UBE2D1: variants seen among roughly 807,000 people sequenced by gnomAD.
The protein encoded by UBE2D1 is ubiquitin-conjugating enzyme E2 D1.
Under a neutral mutation model 24.6 loss-of-function variants are expected in UBE2D1, and 9 were observed. The ratio of observed to expected loss-of-function variants is 0.37; its 90% confidence interval spans 0.22 to 0.64. The LOEUF is 0.64. UBE2D1 is among the 30% of genes least tolerant of loss of function. The pLI is 0.64. For synonymous variants in UBE2D1, 57 were observed against 57.6 expected, an observed-to-expected ratio of 0.99 and a Z score of 0.04; for missense variants, 87 against 177.1, an observed-to-expected ratio of 0.49 and a Z score of 2.89.
In UBE2D1 at chr10:58,335,201, C is replaced by A; in HGVS notation, c.-1C>A. The A allele has an allele frequency of 6.5e-7, 1 of 1,548,834 alleles. No homozygotes were observed. The highest frequency in any genetic ancestry group is 1.2e-5 in the South Asian group (1 of 84,420). On this transcript the variant is annotated 5_prime_UTR_variant, in exon 1 of 7. Transcript: ENST00000373910. ...GGTGTCCCCACCGCCATCCCTGACC[C>A]ATGGCGCTGAAGAGGATTCAGAAAG... is the stretch of plus-strand genomic sequence containing the variant.
In UBE2D1 at chr10:58,335,109, T is replaced by C; in HGVS notation, c.-93T>C. ...GGGGACCCACCGCGCGGAGCCAGCC[T>C]AGCTGCCAGCGAGCCCAACCCGCGA... On this transcript the variant is annotated 5_prime_UTR_variant, in exon 1 of 7. Transcript: ENST00000373910. 7.1e-7 allele frequency: 1 copy of C among 1,401,210 alleles called. No individual in the cohort carries two copies. Among genetic ancestry groups the C allele is most frequent in the Non-Finnish European group, 9.7e-7 (1 of 1,030,270 alleles). 86.8% of individuals were successfully genotyped at this position (1,401,210 alleles called of 1,614,324 possible). A position where few individuals can be genotyped will look rare whatever the true frequency, so the allele number is the denominator to read the frequency against.
At chr10:58,350,664 A>T (rs1840064731) in intron 1 of UBE2D1, among the ~76,000 whole-genome samples, 1 of 152,082 alleles carries the variant, frequency 6.6e-6, no homozygotes, top group South Asian at 2.1e-4. Context: ...TGTCCTGTTA[A>T]ATCTCTGCCT....
chr10:58,358,681 C>T (rs986437781), intron 1 of UBE2D1, among the ~76,000 whole-genome samples: 4 of 152,078 alleles, frequency 2.6e-5, no homozygotes, highest in Non-Finnish European at 5.9e-5. Flanking sequence ...TGGTGGCACC[C>T]AGACTTGAAC....
chr10:58,369,541 C>A lies in UBE2D1; in HGVS notation c.*776C>A, dbSNP rs61873956. 4.6e-5 allele frequency: 7 copies of A among 152,348 alleles called. No individual in the cohort carries two copies. Among genetic ancestry groups the A allele is most frequent in the African/African-American group, 1.7e-4 (7 of 41,374 alleles). The allele number at this position is 152,348 out of a possible 1,614,324, so 9.4% of individuals were successfully genotyped here. A position where few individuals can be genotyped will look rare whatever the true frequency, so the allele number is the denominator to read the frequency against. The stretch of plus-strand genomic sequence containing the variant: ...CTGTATAGGCAATATTATATTGACA[C>A]CTTTTACAGATCTTACTGTAGCTTT... On this transcript the variant is annotated 3_prime_UTR_variant, in exon 7 of 7. Transcript: ENST00000373910.
chr10:58,361,015 CTGA>C, intron 1 of UBE2D1: 2 of 467,258 alleles, frequency 4.3e-6, no homozygotes, highest in South Asian at 3.6e-5. Flanking sequence ...TACCTGTTTT[CTGA>C]TATATTATCA....
Position 58,345,222 on chromosome 10 carries a change from G to A in UBE2D1, c.24+9997G>A, listed in dbSNP as rs183144911. Among the ~76,000 whole-genome samples, 151 of 152,128 alleles carry A rather than the reference G, an allele frequency of 9.9e-4. 1 individual carries two copies. The highest frequency in any genetic ancestry group is 3.5e-3 in the African/African-American group (146 of 41,542). ...CACGTGGCTCATGCCTGTAATCCCAGAACTTTGGGAGACCGAGGCAGAAGA... is the reference window on the plus strand; with the variant it reads ...CACGTGGCTCATGCCTGTAATCCCAAAACTTTGGGAGACCGAGGCAGAAGA... On this transcript the variant is annotated intron_variant, in intron 1 of 6. Coordinates refer to ENST00000373910, the MANE Select transcript of UBE2D1 (RefSeq NM_003338.5).
At position 58,369,316 on chromosome 10, in the gene UBE2D1, G is replaced by A. The variant is rs1840290033; in HGVS notation, c.*551G>A. ...AATTAACTGTGTCTCCCTTGTCTTAGGATATTCTGTAGATTGATTGCAGAT... is the reference window on the plus strand; with the variant it reads ...AATTAACTGTGTCTCCCTTGTCTTAAGATATTCTGTAGATTGATTGCAGAT... On this transcript the variant is annotated 3_prime_UTR_variant, in exon 7 of 7. Coordinates refer to ENST00000373910, the MANE Select transcript of UBE2D1 (RefSeq NM_003338.5). 1 of 152,480 alleles carries A rather than the reference G, an allele frequency of 6.6e-6. No homozygotes were observed. The highest frequency in any genetic ancestry group is 2.4e-5 in the African/African-American group (1 of 41,406). 9.4% of individuals were successfully genotyped at this position (152,480 alleles called of 1,614,324 possible).
chr10:58,368,125 G>T, intron 6 of UBE2D1, 109 bp downstream of exon 6: 5 of 748,188 alleles, frequency 6.7e-6, no homozygotes, highest in Non-Finnish European at 8.6e-6. Context: ...GTTGTTATAT[G>T]TATATTGTTT....
In UBE2D1 at chr10:58,368,776, C is replaced by A; in HGVS notation, c.*11C>A. Reference sequence around the variant, plus strand: ...AAATATGCAATGTAAAAATCAAAAACATTTTCATATATACCAGAGTACTGT... The same window carrying A: ...AAATATGCAATGTAAAAATCAAAAAAATTTTCATATATACCAGAGTACTGT... On this transcript the variant is annotated 3_prime_UTR_variant, in exon 7 of 7. Coordinates refer to ENST00000373910, the MANE Select transcript of UBE2D1 (RefSeq NM_003338.5). 1 of 1,567,910 alleles carries A rather than the reference C, an allele frequency of 6.4e-7. No individual in the cohort carries two copies. The highest frequency in any genetic ancestry group is 2.3e-5 in the East Asian group (1 of 42,686).
At chr10:58,339,160 C>T (rs938334404) in intron 1 of UBE2D1, among the ~76,000 whole-genome samples, 3 of 152,128 alleles carry the variant, frequency 2.0e-5, no homozygotes, top group Non-Finnish European at 2.9e-5. Flanking sequence ...GGCTGGAATG[C>T]GGTGGCACAA....
intron 1 of UBE2D1, among the ~76,000 whole-genome samples, chr10:58,359,413 C>T (rs1589002184): frequency 6.6e-6 from 1 of 152,278 alleles, no homozygotes; most frequent in African/African-American, 2.4e-5. Context: ...TGTGTTCCCA[C>T]AAAAATGTTT....
intron 1 of UBE2D1, among the ~76,000 whole-genome samples, chr10:58,354,493 C>G (rs942297651): frequency 5.3e-5 from 8 of 151,224 alleles, no homozygotes; most frequent in African/African-American, 1.9e-4. Flanking sequence ...ATTGTAGAAT[C>G]CAAAGAATTG....
intron 1 of UBE2D1, among the ~76,000 whole-genome samples, chr10:58,349,984 C>G (rs1015723084): frequency 6.6e-6 from 1 of 152,148 alleles, no homozygotes; most frequent in Admixed American, 6.6e-5. Flanking sequence ...GCTGTAAGTT[C>G]ATTCATTCTT....
chr10:58,336,750 A>T (rs1839907799), intron 1 of UBE2D1, among the ~76,000 whole-genome samples: 1 of 152,240 alleles, frequency 6.6e-6, no homozygotes, highest in African/African-American at 2.4e-5. Flanking sequence ...ACATCTTCCA[A>T]GGAAGTTTTC....
intron 1 of UBE2D1, among the ~76,000 whole-genome samples, chr10:58,348,099 A>C (rs1264126902): frequency 2.0e-5 from 3 of 152,214 alleles, no homozygotes; most frequent in Non-Finnish European, 4.4e-5. Flanking sequence ...ACTTGATCCA[A>C]GGAAACAGCA....
intron 1 of UBE2D1, among the ~76,000 whole-genome samples, chr10:58,351,325 C>G (rs1840074365): frequency 6.6e-6 from 1 of 152,150 alleles, no homozygotes; most frequent in Non-Finnish European, 1.5e-5. Context: ...GCTTAAAACA[C>G]AAAACACATT....
intron 1 of UBE2D1, among the ~76,000 whole-genome samples, chr10:58,346,141 G>A (rs950946211): frequency 6.6e-6 from 1 of 151,650 alleles, no homozygotes; most frequent in African/African-American, 2.4e-5. Context: ...CTCCCAAGTA[G>A]CTGGGACTAC....
chr10:58,368,172 T>C (rs1309050366), intron 6 of UBE2D1, 156 bp downstream of exon 6: 1 of 549,072 alleles, frequency 1.8e-6, no homozygotes, highest in East Asian at 2.9e-5. Flanking sequence ...CTTTGAGAAC[T>C]CTGTTAGACC....
intron 1 of UBE2D1, among the ~76,000 whole-genome samples, chr10:58,342,823 GT>G (rs925514688): frequency 6.8e-4 from 94 of 138,790 alleles, no homozygotes; most frequent in African/African-American, 2.2e-3. Context: ...GTTTTTTTTG[GT>G]TTTTTTTTTG....
Sources: gnomAD v4.1 joint callset for allele counts (sites outside exome capture counted in the v4.1 genomes callset) on GRCh38, gnomAD v4.1.1 for gene constraint, MANE v1.5 for transcripts, NCBI Gene and HGNC (gene_info 2026-07-23, HGNC 2026-07-21) for gene names.